Variants in BAIAP3 observed in about 807,000 individuals in gnomAD.
The protein encoded by BAIAP3 is BAI1-associated protein 3.
A neutral mutation model predicts 149.7 loss-of-function variants in BAIAP3; 180 were observed. The observed-to-expected ratio is 1.20, with a 90% CI of 1.07 to 1.36. The LOEUF is 1.36. Among genes scored for constraint, BAIAP3 ranks in the 40% most tolerant of loss-of-function variants. The pLI is 0.00. For synonymous variants in BAIAP3, 845 were observed against 670.7 expected, an observed-to-expected ratio of 1.26 and a Z score of -4.02; for missense variants, 1,767 against 1,563.4, an observed-to-expected ratio of 1.13 and a Z score of -2.20.
chr16:1,339,195 C>A lies in BAIAP3; in HGVS notation c.251C>A (p.Pro84Gln). Residue 84 changes from proline to glutamine, a missense_variant, in exon 4 of 34, where the codon CCG (proline) becomes CAG (glutamine). Coordinates refer to ENST00000426824, the MANE Select transcript of BAIAP3 (RefSeq NM_001199097.2). ...CTGCGCAGTGGCTCGCCAGCACCCC[C>A]GGAGCCTGTGGATCCCAGCCTCGGC... ...VPLRSGSPAP[P>Q]EPVDPSLGLR... 1 of 1,565,546 alleles carries A rather than the reference C, an allele frequency of 6.4e-7. No individual in the cohort carries two copies. The highest frequency in any genetic ancestry group is 2.4e-5 in the East Asian group (1 of 42,342).
In BAIAP3 at chr16:1,344,681, C is replaced by T. The variant is rs749486598; in HGVS notation, c.1740C>T (p.Tyr580=). 1.1e-5 allele frequency: 18 copies of T among 1,613,346 alleles called. No individual in the cohort carries two copies. Among genetic ancestry groups the T allele is most frequent in the East Asian group, 4.5e-5 (2 of 44,904 alleles). The part of the protein sequence containing the change: ...YDDLQFCYSV[Y]ASLFHSILNV... ...ACCTTCAGTTCTGCTACAGTGTGTA[C>T]GCCAGCCTCTTCCACAGGTGGGCCT... Residue 580 remains tyrosine, a synonymous_variant, in exon 19 of 34, where the codon TAC becomes TAT. Transcript: ENST00000426824.
At position 1,344,034 on chromosome 16, in the gene BAIAP3, G is replaced by T; in HGVS notation, c.1399G>T (p.Ala467Ser). 1 of 1,612,382 alleles carries T rather than the reference G, an allele frequency of 6.2e-7. No individual in the cohort carries two copies. Residue 467 changes from alanine to serine, a missense_variant, in exon 16 of 34, where the codon GCT becomes TCT. Physicochemically the swap from Ala to Ser is moderately conservative, Grantham distance 99 (BLOSUM62 1). Transcript: ENST00000426824. ...SLPQEQEESLADSLSAFSEFG... is the reference protein window; with the variant it reads ...SLPQEQEESLSDSLSAFSEFG... Reference sequence around the variant, plus strand: ...CCTGTCCCCACAGGAGGAGAGCCTGGCTGATAGCCTTTCCGCCTTCTCTGA... The same window carrying T: ...CCTGTCCCCACAGGAGGAGAGCCTGTCTGATAGCCTTTCCGCCTTCTCTGA...
At chr16:1,335,461 A>AT (rs2033392346) in intron 1 of BAIAP3, among the ~76,000 whole-genome samples, 3 of 120,082 alleles carry the variant, frequency 2.5e-5, no homozygotes, top group Non-Finnish European at 3.4e-5. Context: ...CACGGGAAAG[A>AT]CGGGGGGTCC....
intron 15 of BAIAP3, 139 bp downstream of exon 15, chr16:1,343,652 C>T (rs988401292): frequency 4.5e-5 from 60 of 1,336,660 alleles, no homozygotes; most frequent in Non-Finnish European, 5.6e-5. Flanking sequence ...ATGACGTGGG[C>T]GAGAGCCAGC....
chr16:1,342,401 C>T (rs900891905), intron 11 of BAIAP3, 118 bp downstream of exon 11: 28 of 1,357,896 alleles, frequency 2.1e-5, no homozygotes, highest in African/African-American at 7.3e-5. Context: ...CCACTGAGTG[C>T]GCTTGTCACC....
chr16:1,347,272 A>T (rs202201871), intron 28 of BAIAP3, 26 bp from the exon 29 acceptor site: 1 of 1,608,808 alleles, frequency 6.2e-7, no homozygotes, highest in South Asian at 1.1e-5. Context: ...GCTCCCTGAC[A>T]CCTCTGCCTT....
In BAIAP3 at chr16:1,342,251, G is replaced by T; in HGVS notation, c.925G>T (p.Asp309Tyr). 6.2e-7 allele frequency: 1 copy of T among 1,612,580 alleles called. No homozygotes were observed. Among genetic ancestry groups the T allele is most frequent in the Non-Finnish European group, 8.5e-7 (1 of 1,179,830 alleles). The stretch of plus-strand genomic sequence containing the variant: ...AGGACCCACCGAGGACCACACCGAT[G>T]ACTTCCTGGGGTGCCTCAACATACC... The part of the protein sequence containing the change: ...TAGPTEDHTD[D>Y]FLGCLNIPVR... The change falls in exon 11 of 34, where the codon GAC (aspartate) becomes TAC (tyrosine). Residue 309 changes from aspartate to tyrosine, a missense_variant. Transcript: ENST00000426824.
Position 1,343,417 on chromosome 16 carries a change from C to T in BAIAP3, c.1290C>T (p.His430=), listed in dbSNP as rs1448171590. Residue 430 remains histidine (H), a synonymous_variant, in exon 15 of 34, where the codon CAC becomes CAT. Transcript: ENST00000426824. The part of the protein sequence containing the change: ...AVLHWQVSSR[H]HQTCTLDYSY... Reference sequence around the variant, plus strand: ...GGCACTGGCAGGTCAGCAGCCGCCACCATCAAACCTGCACGCTGGACTACA... The same window carrying T: ...GGCACTGGCAGGTCAGCAGCCGCCATCATCAAACCTGCACGCTGGACTACA... 1 of 1,572,776 alleles carries T rather than the reference C, an allele frequency of 6.4e-7. No homozygotes were observed. Among genetic ancestry groups the T allele is most frequent in the Non-Finnish European group, 8.6e-7 (1 of 1,161,370 alleles).
intron 28 of BAIAP3, 138 bp from the exon 29 acceptor site, chr16:1,347,160 C>T (rs561602756): frequency 2.2e-5 from 22 of 1,000,620 alleles, no homozygotes; most frequent in Middle Eastern, 3.2e-4. Context: ...TTCCGATGCC[C>T]GCCAGGGTGT....
At chr16:1,336,256 G>C (rs1175057084) in intron 1 of BAIAP3, 1 of 985,294 alleles carries the variant, frequency 1.0e-6, no homozygotes, top group Non-Finnish European at 1.2e-6. Flanking sequence ...GAGGGGAAGG[G>C]GGCTTGTGAC....
chr16:1,338,540 G>C lies in BAIAP3; in HGVS notation c.-10G>C. ...CTGCGGGCTGTGCTCTCTGCTGTAG[G>C]TCACCCGCCATGTCGACCTTGCTGG... On this transcript the variant is annotated splice_region_variant and 5_prime_UTR_variant, in exon 2 of 34. Transcript: ENST00000426824. 1 of 1,608,882 alleles carries C rather than the reference G, an allele frequency of 6.2e-7. No individual in the cohort carries two copies. The highest frequency in any genetic ancestry group is 1.3e-5 in the African/African-American group (1 of 74,810).
Position 1,348,761 on chromosome 16 carries a change from A to T in BAIAP3, c.*279A>T. 1 of 507,368 alleles carries T rather than the reference A, an allele frequency of 2.0e-6. No homozygotes were observed. The highest frequency in any genetic ancestry group is 3.5e-6 in the Non-Finnish European group (1 of 282,344). 31.4% of individuals were successfully genotyped at this position (507,368 alleles called of 1,614,324 possible). On this transcript the variant is annotated 3_prime_UTR_variant, in exon 34 of 34. Coordinates refer to ENST00000426824, the MANE Select transcript of BAIAP3 (RefSeq NM_001199097.2). ...AGTGCAGGCCAGAGCGGGCTTGACC[A>T]CCTGGTGGGCCTCCCTGCCCGCTTC...
intron 15 of BAIAP3, 38 bp from the exon 16 acceptor site, chr16:1,343,984 G>C: frequency 6.2e-7 from 1 of 1,609,328 alleles, no homozygotes; most frequent in South Asian, 1.1e-5. Context: ...TCAGTGGCCG[G>C]TCGGGGCTGC....
chr16:1,345,019 C>T lies in BAIAP3; in HGVS notation c.1860C>T (p.Thr620=), dbSNP rs774620731. Residue 620 remains threonine, a synonymous_variant, in exon 21 of 34, where the codon ACC becomes ACT. Coordinates refer to ENST00000426824, the MANE Select transcript of BAIAP3 (RefSeq NM_001199097.2). The stretch of plus-strand genomic sequence containing the variant: ...CGGAGGAGCTGAGCCCCAAGATGAC[C>T]CTGGAGGTGGCCTCGGGGCTCTTTG... ...VLTEELSPKM[T]LEVASGLFEL... is the part of the protein sequence containing the mutation. 17 of 1,612,486 alleles carry T rather than the reference C, an allele frequency of 1.1e-5. No individual in the cohort carries two copies. In the East Asian group the frequency reaches 3.3e-4, roughly 32 times the overall value.
In BAIAP3 at chr16:1,348,865, C is replaced by A; in HGVS notation, c.*383C>A. 2.9e-6 allele frequency: 1 copy of A among 343,136 alleles called. No homozygotes were observed. The highest frequency in any genetic ancestry group is 5.5e-6 in the Non-Finnish European group (1 of 182,552). 21.3% of individuals were successfully genotyped at this position (343,136 alleles called of 1,614,324 possible). ...GTGAGTGGCTGTGCTCTCTGCACAA[C>A]GGGCAATGTGCAGACGCATTTTTGG... On this transcript the variant is annotated 3_prime_UTR_variant, in exon 34 of 34. Coordinates refer to ENST00000426824, the MANE Select transcript of BAIAP3 (RefSeq NM_001199097.2).
rs117966672 is a variant in BAIAP3 at position 1,339,714 on chromosome 16, G to C, written c.408+111G>C. ...ACAGTATGCAGAATCTCCCCGATCCGTGCACAGCACACAGAGACGGCTGCA... is the reference window on the plus strand; with the variant it reads ...ACAGTATGCAGAATCTCCCCGATCCCTGCACAGCACACAGAGACGGCTGCA... On this transcript the variant is annotated intron_variant, in intron 5 of 33. Coordinates refer to ENST00000426824, the MANE Select transcript of BAIAP3 (RefSeq NM_001199097.2). The C allele has an allele frequency of 2.1e-4, 187 of 873,288 alleles. 1 individual carries two copies. The East Asian group carries it at 4.5e-3, about 21-fold the overall frequency. 54.1% of individuals were successfully genotyped at this position (873,288 alleles called of 1,614,324 possible).
rs753278777 is a variant in BAIAP3 at position 1,347,712 on chromosome 16, G to T, written c.2916G>T (p.Glu972Asp). 12 of 1,610,872 alleles carry T rather than the reference G, an allele frequency of 7.4e-6. No individual in the cohort carries two copies. In the South Asian group the frequency reaches 1.3e-4, roughly 18 times the overall value. The part of the protein sequence containing the change: ...YLDKLKQRTL[E>D]QNRFGRLSVR... ...CCGCCTTTCCGCAGAGGACCCTGGA[G>T]CAGAACCGGTTTGGACGCCTGAGCG... The change falls in exon 31 of 34, where the codon GAG becomes GAT. Residue 972 changes from glutamate (E) to aspartate (D), a missense_variant. Physicochemically the swap from Glu to Asp is conservative, Grantham distance 45 (BLOSUM62 2). Transcript: ENST00000426824.
intron 1 of BAIAP3, among the ~76,000 whole-genome samples, chr16:1,337,988 C>T (rs1567157435): frequency 6.6e-6 from 1 of 152,210 alleles, no homozygotes. Flanking sequence ...TCCAGGGCCT[C>T]CTGGCCACAT....
chr16:1,343,721 TAGGAC>T (rs1328929390), intron 15 of BAIAP3, among the ~76,000 whole-genome samples: 2 of 152,138 alleles, frequency 1.3e-5, no homozygotes, highest in African/African-American at 4.8e-5. Context: ...GGCCAGGACT[TAGGAC>T]AGGGCTGGGG....
Sources: gnomAD v4.1 joint callset for allele counts (sites outside exome capture counted in the v4.1 genomes callset) on GRCh38, gnomAD v4.1.1 for gene constraint, MANE v1.5 for transcripts, NCBI Gene and HGNC (gene_info 2026-07-23, HGNC 2026-07-21) for gene names.